The following PTPRD variants were observed in gnomAD, a reference collection of about 807,000 sequenced individuals.
The protein encoded by PTPRD is protein tyrosine phosphatase receptor type D.
PTPRD carries 34 observed loss-of-function variants against 214.5 expected under a neutral mutation model. The ratio of observed to expected loss-of-function variants is 0.16; its 90% CI spans 0.12 to 0.21. The LOEUF (loss-of-function observed/expected upper bound fraction) is 0.21. Ranked by LOEUF, PTPRD falls within the 10% of genes least tolerant of loss-of-function variation. PTPRD has a pLI of 1.00. For synonymous variants in PTPRD, 1,128 were observed against 845.7 expected (o/e 1.33, Z -5.79); for missense variants, 2,545 against 2,398.7 (o/e 1.06, Z -1.27).
At chr9:8,741,904 T>C (rs1441345726) in intron 11 of PTPRD, among the ~76,000 whole-genome samples, 2 of 152,140 alleles carry the variant, frequency 1.3e-5, no homozygotes, top group African/African-American at 4.8e-5. Context: ...TTTCTTTTTT[T>C]ATGTTAAATA....
At chr9:10,453,974 A>G (rs1046579732) in intron 2 of PTPRD, among the ~76,000 whole-genome samples, 1 of 151,620 alleles carries the variant, frequency 6.6e-6, no homozygotes, top group African/African-American at 2.4e-5. Context: ...ACCCCAAACA[A>G]TAGGCTGGTA....
intron 35 of PTPRD, among the ~76,000 whole-genome samples, chr9:8,411,844 A>G (rs1315345352): frequency 6.6e-6 from 1 of 152,200 alleles, no homozygotes. Flanking sequence ...TGAATTCTAT[A>G]TAGTTGATGT....
intron 3 of PTPRD, among the ~76,000 whole-genome samples, chr9:10,254,174 C>A (rs554947113): frequency 6.6e-6 from 1 of 152,170 alleles, no homozygotes; most frequent in African/African-American, 2.4e-5. Context: ...GTTTATTTAC[C>A]TTTTATCATT....
At chr9:8,420,573 AAAC>A (rs1564682658) in intron 35 of PTPRD, among the ~76,000 whole-genome samples, 1 of 152,144 alleles carries the variant, frequency 6.6e-6, no homozygotes, top group East Asian at 1.9e-4. Flanking sequence ...ATCAAAAACA[AAAC>A]GATTATATCC....
chr9:9,649,149 A>G (rs1051018441), intron 7 of PTPRD, among the ~76,000 whole-genome samples: 5 of 152,164 alleles, frequency 3.3e-5, no homozygotes, highest in African/African-American at 1.2e-4. Context: ...ACCATATATC[A>G]TGTAGCCATA....
At chr9:9,918,440 G>A (rs148502798) in intron 5 of PTPRD, among the ~76,000 whole-genome samples, 84 of 150,280 alleles carry the variant, frequency 5.6e-4, no homozygotes, top group African/African-American at 7.5e-4. Flanking sequence ...GACACCCCAT[G>A]CTCATGGATT....
At chr9:8,439,970 G>A (rs1387683647) in intron 34 of PTPRD, among the ~76,000 whole-genome samples, 1 of 76,378 alleles carries the variant, frequency 1.3e-5, no homozygotes, top group Non-Finnish European at 2.5e-5. Flanking sequence ...TTTTTTTGCA[G>A]GCTGTACACC....
At chr9:10,386,375 C>G (rs533662098) in intron 2 of PTPRD, among the ~76,000 whole-genome samples, 78 of 151,932 alleles carry the variant, frequency 5.1e-4, no homozygotes, top group Non-Finnish European at 9.3e-4. Context: ...CCTGAAGAAA[C>G]CTTTTCCTAT....
chr9:9,598,304 A>G (rs998100365), intron 7 of PTPRD, among the ~76,000 whole-genome samples: 1 of 151,980 alleles, frequency 6.6e-6, no homozygotes, highest in Non-Finnish European at 1.5e-5. Flanking sequence ...ACTACTGTAT[A>G]TGGTAGAAGA....
intron 3 of PTPRD, among the ~76,000 whole-genome samples, chr9:10,271,534 C>CTTTTTTTT (rs1251429330): frequency 1.2e-5 from 1 of 86,570 alleles, no homozygotes; most frequent in African/African-American, 3.1e-5. Context: ...TCAATTGTTT[C>CTTTTTTTT]TTTTCTTTTC....
intron 6 of PTPRD, among the ~76,000 whole-genome samples, chr9:9,751,668 T>C (rs1596733075): frequency 6.6e-6 from 1 of 152,048 alleles, no homozygotes; most frequent in African/African-American, 2.4e-5. Flanking sequence ...AAACATCATG[T>C]GAAGATGAAG....
intron 11 of PTPRD, among the ~76,000 whole-genome samples, chr9:8,942,898 A>G (rs2099042244): frequency 6.6e-6 from 1 of 152,268 alleles, no homozygotes; most frequent in African/African-American, 2.4e-5. Context: ...AGACTCCACC[A>G]AAAAATTATT....
At chr9:9,225,737 G>C (rs536333435) in intron 9 of PTPRD, among the ~76,000 whole-genome samples, 24 of 152,126 alleles carry the variant, frequency 1.6e-4, no homozygotes, top group Admixed American at 6.6e-5. Context: ...AGTCAGCCTG[G>C]AGGAAAAGCA....
At chr9:9,056,906 A>C (rs1311881297) in intron 10 of PTPRD, among the ~76,000 whole-genome samples, 1 of 152,206 alleles carries the variant, frequency 6.6e-6, no homozygotes, top group Non-Finnish European at 1.5e-5. Flanking sequence ...TTACATTGAG[A>C]CTGCAATAAT....
At position 10,328,721 on chromosome 9, in the gene PTPRD, G is replaced by T. The variant is rs577529859; in HGVS notation, c.-545+12242C>A. Among the ~76,000 whole-genome samples, 3 of 151,870 alleles carry T rather than the reference G, an allele frequency of 2.0e-5. No homozygotes were observed. In the East Asian group the frequency reaches 5.9e-4, roughly 30 times the overall value. The stretch of plus-strand genomic sequence containing the variant: ...ATGAATTCATCTCTATGCAGCAAAA[G>T]AATAATTTCTTAATTAATGGTAGAA... On this transcript the variant is annotated intron_variant, in intron 3 of 45. Coordinates refer to ENST00000381196, the MANE Select transcript of PTPRD (RefSeq NM_002839.4).
chr9:10,019,254 G>A (rs534942882), intron 4 of PTPRD, among the ~76,000 whole-genome samples: 11 of 152,188 alleles, frequency 7.2e-5, no homozygotes, highest in Non-Finnish European at 1.2e-4. Context: ...TTAGAATGGC[G>A]ATCATTAAAA....
chr9:8,434,015 CTT>C (rs2095231810), intron 35 of PTPRD, among the ~76,000 whole-genome samples: 1 of 152,224 alleles, frequency 6.6e-6, no homozygotes, highest in South Asian at 2.1e-4. Context: ...TTGTTTCACT[CTT>C]GTCACCCAGG....
intron 11 of PTPRD, among the ~76,000 whole-genome samples, chr9:8,735,363 C>G (rs796511420): frequency 1.6e-4 from 24 of 151,774 alleles, no homozygotes; most frequent in African/African-American, 5.8e-4. Context: ...AAGCTGGTCT[C>G]AAACTCCTGG....
At chr9:9,189,624 A>G (rs2099933866) in intron 9 of PTPRD, among the ~76,000 whole-genome samples, 2 of 151,968 alleles carry the variant, frequency 1.3e-5, no homozygotes, top group Admixed American at 6.6e-5. Flanking sequence ...CTCTTTGCCC[A>G]CTATACTGAA....
Sources: allele counts gnomAD v4.1 joint callset (sites outside exome capture counted in the v4.1 genomes callset), GRCh38; gene constraint gnomAD v4.1.1; transcripts MANE v1.5; gene names NCBI Gene and HGNC (gene_info 2026-07-23, HGNC 2026-07-21).